Variants in TMC2 observed in about 807,000 individuals in gnomAD.
TMC2 encodes the protein transmembrane channel like 2.
A neutral mutation model predicts 105.9 loss-of-function variants in TMC2; 102 were observed. The observed-to-expected ratio is 0.96, with a 90% CI of 0.82 to 1.14. The LOEUF is 1.14. TMC2 is among the 50% of genes most tolerant of loss of function. TMC2 has a pLI of 0.00. For synonymous variants in TMC2, 402 were observed against 422.8 expected (o/e 0.95, Z 0.60); for missense variants, 1,093 against 1,134.3 (o/e 0.96, Z 0.52).
At chr20:2,636,492 A>ACACACG (rs1252208519) in intron 18 of TMC2, among the ~76,000 whole-genome samples, 2 of 147,968 alleles carry the variant, frequency 1.4e-5, no homozygotes, top group Admixed American at 1.3e-4. Flanking sequence ...ACACACACAC[A>ACACACG]CGCACACACC....
At chr20:2,538,115 A>G (rs901065036) in intron 2 of TMC2, among the ~76,000 whole-genome samples, 11 of 151,856 alleles carry the variant, frequency 7.2e-5, no homozygotes, top group Non-Finnish European at 1.6e-4. Context: ...TCTGGCCAGT[A>G]GGGAGCTGGC....
chr20:2,617,771 T>C, intron 16 of TMC2: 1 of 166,670 alleles, frequency 6.0e-6, no homozygotes, highest in Non-Finnish European at 1.3e-5. Flanking sequence ...AGTGCAGTGG[T>C]GCCATCTCAG....
In TMC2 at chr20:2,592,868, A is replaced by G. The variant is rs78710305; in HGVS notation, c.933+460A>G. 4.6e-3 allele frequency among the ~76,000 whole-genome samples: 695 copies of G among 152,252 alleles called. 41 individuals are homozygous for G. The East Asian group carries it at 0.1, about 22-fold the overall frequency. On this transcript the variant is annotated intron_variant, in intron 8 of 19. Transcript: ENST00000358864. This position sits in a 1 kb window ranked among gnomAD's most constrained non-coding sequence, Gnocchi z 4.9. ...TATTGGAATCACCATTCATCCAATC[A>G]TCCATGTCTGAAGCCTGAAAATCAT...
chr20:2,605,971 G>C (rs574830904), intron 11 of TMC2, among the ~76,000 whole-genome samples: 1 of 152,192 alleles, frequency 6.6e-6, no homozygotes, highest in South Asian at 2.1e-4. Flanking sequence ...AAGCATTGTA[G>C]ATGGTAGTGT....
In TMC2 at chr20:2,602,138, G is replaced by A. The variant is rs1214578567; in HGVS notation, c.1250G>A (p.Ser417Asn). Residue 417 changes from serine to asparagine, a missense_variant, in exon 11 of 20, where the codon AGT becomes AAT. Ser to Asn is a conservative substitution (Grantham distance 46). Coordinates refer to ENST00000358864, the MANE Select transcript of TMC2 (RefSeq NM_080751.3). ...GAATCAATAGTGGATGAACAAGAGAGTAACAAAGAAGAAAATATCCATCTG... is the reference window on the plus strand; with the variant it reads ...GAATCAATAGTGGATGAACAAGAGAATAACAAAGAAGAAAATATCCATCTG... ...FKESIVDEQE[S>N]NKEENIHLTR... 3 of 1,611,898 alleles carry A rather than the reference G, an allele frequency of 1.9e-6. No individual in the cohort carries two copies. Among genetic ancestry groups the A allele is most frequent in the Non-Finnish European group, 2.5e-6 (3 of 1,179,206 alleles).
intron 2 of TMC2, among the ~76,000 whole-genome samples, chr20:2,549,604 A>G (rs1429633161): frequency 3.9e-5 from 6 of 151,928 alleles, no homozygotes; most frequent in African/African-American, 1.2e-4. Context: ...TTAGCCAGGC[A>G]TGGTGGCGTG....
At chr20:2,625,911 T>C (rs973235011) in intron 17 of TMC2, among the ~76,000 whole-genome samples, 1 of 152,230 alleles carries the variant, frequency 6.6e-6, no homozygotes, top group Non-Finnish European at 1.5e-5. Flanking sequence ...TTGAACATAG[T>C]GGTTATAATT....
intron 11 of TMC2, among the ~76,000 whole-genome samples, chr20:2,607,233 T>C (rs1268311018): frequency 6.6e-6 from 1 of 152,206 alleles, no homozygotes; most frequent in East Asian, 1.9e-4. Context: ...CGGAGCTCTC[T>C]CTTCCACTGT....
chr20:2,553,534 G>C (rs1244059215), intron 2 of TMC2, among the ~76,000 whole-genome samples: 1 of 97,710 alleles, frequency 1.0e-5, no homozygotes, highest in Non-Finnish European at 2.1e-5. Context: ...AAGAGATACA[G>C]GTCTGTTTTT....
Position 2,624,393 on chromosome 20 carries a change from T to G in TMC2, c.2303T>G (p.Met768Arg). The change falls in exon 17 of 20, where the codon ATG (methionine) becomes AGG (arginine). Residue 768 changes from methionine to arginine, a missense_variant. Coordinates refer to ENST00000358864, the MANE Select transcript of TMC2 (RefSeq NM_080751.3). Reference protein sequence around the residue: ...PGLIIPAILLMFLAIYYLNSV... With the variant: ...PGLIIPAILLRFLAIYYLNSV... Reference sequence around the variant, plus strand: ...CTGATCATCCCAGCCATCCTGCTGATGTTGTAAGTTAGCCAGGACCCATGG... The same window carrying G: ...CTGATCATCCCAGCCATCCTGCTGAGGTTGTAAGTTAGCCAGGACCCATGG... The G allele has an allele frequency of 6.2e-7, 1 of 1,613,388 alleles. No homozygotes were observed. The highest frequency in any genetic ancestry group is 8.5e-7 in the Non-Finnish European group (1 of 1,179,690).
intron 2 of TMC2, among the ~76,000 whole-genome samples, chr20:2,550,241 C>T (rs117853401): frequency 0.016 from 2,418 of 151,868 alleles, 27 homozygotes; most frequent in South Asian, 0.029. Flanking sequence ...TCCAGCCACT[C>T]GGCAGGCTGA....
intron 11 of TMC2, among the ~76,000 whole-genome samples, chr20:2,608,300 T>TTTTTTATTATTATTA (rs1555775762): frequency 7.4e-6 from 1 of 134,602 alleles, no homozygotes; most frequent in Non-Finnish European, 1.6e-5. Flanking sequence ...CTTATTTTTA[T>TTTTTTATTATTATTA]TTATTATTAT....
At chr20:2,594,754 G>A (rs2086293003) in intron 8 of TMC2, 71 bp from the exon 9 acceptor site, 26 of 1,499,766 alleles carry the variant, frequency 1.7e-5, no homozygotes, top group Non-Finnish European at 2.3e-5. Context: ...ATCCCTGGTA[G>A]AGTAGACATG....
intron 11 of TMC2, among the ~76,000 whole-genome samples, chr20:2,609,611 T>C (rs2086420175): frequency 6.6e-6 from 1 of 152,172 alleles, no homozygotes; most frequent in South Asian, 2.1e-4. Flanking sequence ...AGTGGAATTT[T>C]GTGGCAAAGG....
chr20:2,555,847 T>G (rs1352480612), intron 2 of TMC2, among the ~76,000 whole-genome samples: 1 of 152,212 alleles, frequency 6.6e-6, no homozygotes, highest in Non-Finnish European at 1.5e-5. Context: ...GTTCTAGAAT[T>G]TGCATTTCTA....
At chr20:2,549,240 C>G (rs1004681204) in intron 2 of TMC2, among the ~76,000 whole-genome samples, 2 of 152,074 alleles carry the variant, frequency 1.3e-5, no homozygotes, top group Non-Finnish European at 2.9e-5. Flanking sequence ...TTTTTTTGTA[C>G]AGCCAGGATC....
At chr20:2,588,421 C>G (rs1296241669) in intron 7 of TMC2, among the ~76,000 whole-genome samples, 1 of 152,176 alleles carries the variant, frequency 6.6e-6, no homozygotes, top group South Asian at 2.1e-4. Flanking sequence ...GAGAATCCAG[C>G]CACACCATGC....
intron 7 of TMC2, among the ~76,000 whole-genome samples, chr20:2,584,814 T>TG (rs1449638913): frequency 6.6e-6 from 1 of 152,092 alleles, no homozygotes; most frequent in Non-Finnish European, 1.5e-5. Flanking sequence ...TTCAGTCTTT[T>TG]GGGGGGCACA....
intron 19 of TMC2, among the ~76,000 whole-genome samples, chr20:2,639,417 CA>C (rs1348166338): frequency 1.3e-5 from 2 of 152,170 alleles, no homozygotes; most frequent in East Asian, 3.8e-4. Context: ...TTTAGATACA[CA>C]AATATTTACC....
Sources: gnomAD v4.1 joint callset for allele counts (sites outside exome capture counted in the v4.1 genomes callset) on GRCh38, gnomAD v4.1.1 for gene constraint, Gnocchi (gnomAD v3.1) non-coding constraint, MANE v1.5 for transcripts, NCBI Gene and HGNC (gene_info 2026-07-23, HGNC 2026-07-21) for gene names.